NKAIN2: variants seen among roughly 807,000 people sequenced by gnomAD.
The protein encoded by NKAIN2 is sodium/potassium transporting ATPase interacting 2, also known as sodium/potassium-transporting ATPase subunit beta-1-interacting protein 2.
NKAIN2 carries 14 observed loss-of-function variants against 32.6 expected under a neutral mutation model. That is an observed-to-expected ratio of 0.43 (90% CI 0.28 to 0.67). NKAIN2 has a LOEUF of 0.67. NKAIN2 is among the 30% of genes least tolerant of loss of function. The pLI, the probability that NKAIN2 is intolerant of heterozygous loss-of-function variation, is 0.17. For synonymous variants in NKAIN2, 80 were observed against 87.2 expected (o/e 0.92, Z 0.46); for missense variants, 198 against 258.3 (o/e 0.77, Z 1.60).
intron 1 of NKAIN2, among the ~76,000 whole-genome samples, chr6:124,148,520 G>A (rs1356474183): frequency 2.6e-5 from 4 of 151,396 alleles, no homozygotes; most frequent in Non-Finnish European, 5.9e-5. Context: ...TTTAGTTTTT[G>A]TTTTTTGACT....
intron 3 of NKAIN2, among the ~76,000 whole-genome samples, chr6:124,492,780 A>C (rs1329110644): frequency 1.3e-5 from 2 of 152,070 alleles, no homozygotes; most frequent in Non-Finnish European, 2.9e-5. Context: ...TAATATTTTT[A>C]ACATATATGC....
intron 3 of NKAIN2, among the ~76,000 whole-genome samples, chr6:124,454,752 G>A (rs1484519444): frequency 1.3e-5 from 2 of 152,044 alleles, no homozygotes; most frequent in Non-Finnish European, 2.9e-5. Context: ...GAAGGGTGGT[G>A]TCTTGTCAGA....
chr6:124,593,494 G>A (rs1781983035), intron 3 of NKAIN2, among the ~76,000 whole-genome samples: 1 of 152,130 alleles, frequency 6.6e-6, no homozygotes, highest in Admixed American at 6.6e-5. Context: ...CCCCTCCATA[G>A]GGCTGAGGTT....
intron 3 of NKAIN2, among the ~76,000 whole-genome samples, chr6:124,514,765 GAA>G (rs546177544): frequency 1.5e-4 from 16 of 110,276 alleles, no homozygotes; most frequent in Non-Finnish European, 1.0e-4. Flanking sequence ...CTTGGGTATT[GAA>G]AAAAAAAAAA....
intron 3 of NKAIN2, among the ~76,000 whole-genome samples, chr6:124,607,539 C>A (rs1427159341): frequency 6.6e-6 from 1 of 152,040 alleles, no homozygotes; most frequent in East Asian, 1.9e-4. Context: ...TTCATTGTGT[C>A]AAAACTCAAA....
chr6:124,151,808 C>T (rs749611754), intron 1 of NKAIN2, among the ~76,000 whole-genome samples: 6 of 151,886 alleles, frequency 4.0e-5, no homozygotes, highest in Admixed American at 1.3e-4. Flanking sequence ...TCATGAAGTA[C>T]TTGTACAAAA....
intron 1 of NKAIN2, among the ~76,000 whole-genome samples, chr6:124,027,638 C>T (rs188668205): frequency 2.5e-4 from 38 of 152,200 alleles, no homozygotes; most frequent in Admixed American, 2.2e-3. Context: ...GCCAGTCATG[C>T]CTAGTTTGCT....
chr6:124,283,181 T>G (rs746262510), intron 2 of NKAIN2, 39 bp downstream of exon 2: 3 of 1,470,820 alleles, frequency 2.0e-6, no homozygotes, highest in Middle Eastern at 3.8e-4. Flanking sequence ...CTTATTGAAC[T>G]AGAGAATGAT....
At chr6:124,159,412 T>A (rs1788158943) in intron 1 of NKAIN2, among the ~76,000 whole-genome samples, 1 of 152,138 alleles carries the variant, frequency 6.6e-6, no homozygotes, top group South Asian at 2.1e-4. Flanking sequence ...TATTGTGCAT[T>A]TTTTGTCTGT....
intron 1 of NKAIN2, among the ~76,000 whole-genome samples, chr6:124,009,428 C>T (rs1402114013): frequency 6.6e-6 from 1 of 152,164 alleles, no homozygotes; most frequent in Non-Finnish European, 1.5e-5. Flanking sequence ...TGCTTTATTG[C>T]TTGCCCTACC....
intron 1 of NKAIN2, among the ~76,000 whole-genome samples, chr6:124,055,133 TG>T (rs1183835982): frequency 6.6e-6 from 1 of 152,050 alleles, no homozygotes; most frequent in Non-Finnish European, 1.5e-5. Context: ...AACAGAATTT[TG>T]GGGTTTTCAT....
chr6:124,049,742 C>T (rs1328925205), intron 1 of NKAIN2, among the ~76,000 whole-genome samples: 1 of 152,030 alleles, frequency 6.6e-6, no homozygotes, highest in Non-Finnish European at 1.5e-5. Flanking sequence ...ACACTGAAGA[C>T]TCACTACCTG....
At chr6:124,034,337 G>C (rs1044236199) in intron 1 of NKAIN2, among the ~76,000 whole-genome samples, 3 of 151,896 alleles carry the variant, frequency 2.0e-5, no homozygotes, top group Non-Finnish European at 4.4e-5. Flanking sequence ...TGCACCCATT[G>C]TTTAGCTTCC....
chr6:124,429,616 G>T (rs1197849782), intron 3 of NKAIN2, among the ~76,000 whole-genome samples: 1 of 152,172 alleles, frequency 6.6e-6, no homozygotes, highest in African/African-American at 2.4e-5. Context: ...TGGCTTTGTA[G>T]TTGGTGTTTT....
intron 1 of NKAIN2, among the ~76,000 whole-genome samples, chr6:123,886,697 T>A (rs1346682380): frequency 6.6e-6 from 1 of 152,152 alleles, no homozygotes; most frequent in Non-Finnish European, 1.5e-5. Flanking sequence ...ATGGAAATGT[T>A]CACAAAAGTA....
intron 1 of NKAIN2, among the ~76,000 whole-genome samples, chr6:123,926,935 C>A (rs1486035576): frequency 6.6e-6 from 1 of 152,164 alleles, no homozygotes; most frequent in African/African-American, 2.4e-5. Context: ...CTAAGTCTAC[C>A]AAAATCTACT....
chr6:123,935,167 A>C lies in NKAIN2; in HGVS notation c.54+130913A>C, dbSNP rs552122874. Among the ~76,000 whole-genome samples, 1,316 of 147,730 alleles carry C rather than the reference A, an allele frequency of 8.9e-3. 9 individuals are homozygous for C. Among genetic ancestry groups the C allele is most frequent in the Middle Eastern group, 0.018 (5 of 278 alleles). The stretch of plus-strand genomic sequence containing the variant: ...AAAAATATATTAAATACATATATTT[A>C]AAAATAAATATATTAAATAAATAAA... On this transcript the variant is annotated intron_variant, in intron 1 of 6. Transcript: ENST00000368417.
chr6:123,827,775 G>A (rs1230599796), intron 1 of NKAIN2, among the ~76,000 whole-genome samples: 1 of 151,756 alleles, frequency 6.6e-6, no homozygotes, highest in East Asian at 1.9e-4. Context: ...GACAAAGGTA[G>A]GGATAAAGGA....
At chr6:124,354,159 G>T (rs1798861592) in intron 2 of NKAIN2, among the ~76,000 whole-genome samples, 3 of 152,026 alleles carry the variant, frequency 2.0e-5, no homozygotes, top group Non-Finnish European at 1.5e-5. Context: ...GTTAAGCTTT[G>T]CAGACTCTTT....
Sources: gnomAD v4.1 joint callset for allele counts (sites outside exome capture counted in the v4.1 genomes callset) on GRCh38, gnomAD v4.1.1 for gene constraint, MANE v1.5 for transcripts, NCBI Gene and HGNC (gene_info 2026-07-23, HGNC 2026-07-21) for gene names.